PIGF: variants seen among roughly 807,000 people sequenced by gnomAD.
PIGF encodes GPI ethanolamine phosphate transferase, stabilizing subunit.
In PIGF, 23 loss-of-function variants were observed where a neutral mutation model predicts 26.0. That is an observed-to-expected ratio of 0.88 (90% confidence interval 0.64 to 1.25). The LOEUF is 1.25. Ranked by LOEUF, PIGF falls within the 50% of genes most tolerant of loss-of-function variation. PIGF has a pLI of 0.00. For missense variants in PIGF, 278 were observed against 249.9 expected, an observed-to-expected ratio of 1.11 and a Z score of -0.76; for synonymous variants, 93 against 92.6, an observed-to-expected ratio of 1.00 and a Z score of -0.03.
At position 46,588,008 on chromosome 2, in the gene PIGF, G is replaced by A. The variant is rs1261852395; in HGVS notation, c.546+4467C>T. The A allele has an allele frequency of 2.9e-6, 4 of 1,357,478 alleles. No homozygotes were observed. The highest frequency in any genetic ancestry group is 9.7e-7 in the Non-Finnish European group (1 of 1,028,680). 84.1% of individuals were successfully genotyped at this position (1,357,478 alleles called of 1,614,324 possible). A position where few individuals can be genotyped will look rare whatever the true frequency, so the allele number is the denominator to read the frequency against. On this transcript the variant is annotated intron_variant, in intron 5 of 5. Transcript: ENST00000281382. The surrounding 1 kb of genome is among the most constrained non-coding windows in gnomAD (Gnocchi z 4.1). ...CCTCTTCCCACCTGAGTAATGCTAA[G>A]CAAGATGTGTACTCCTCCCCTCTCA...
chr2:46,612,025 G>A (rs188478850), intron 4 of PIGF, among the ~76,000 whole-genome samples: 1 of 151,406 alleles, frequency 6.6e-6, no homozygotes, highest in Admixed American at 6.6e-5. Context: ...AAGGAGAGCT[G>A]ATCTTGCTAA....
intron 4 of PIGF, among the ~76,000 whole-genome samples, chr2:46,598,962 C>T (rs1669973800): frequency 6.6e-6 from 1 of 152,158 alleles, no homozygotes; most frequent in African/African-American, 2.4e-5. Context: ...CCTGACTTTC[C>T]TTTAGAGAAT....
At chr2:46,600,191 G>A (rs1361798086) in intron 4 of PIGF, among the ~76,000 whole-genome samples, 1 of 152,204 alleles carries the variant, frequency 6.6e-6, no homozygotes, top group Admixed American at 6.5e-5. Context: ...GTAGGTAGCA[G>A]CCCTGGTAGA....
At chr2:46,598,083 C>G (rs1366285907) in intron 4 of PIGF, among the ~76,000 whole-genome samples, 1 of 152,048 alleles carries the variant, frequency 6.6e-6, no homozygotes, top group African/African-American at 2.4e-5. Flanking sequence ...ATTTTGCAAT[C>G]TTTACCTTTT....
rs146217118 is a variant in PIGF, at chr2:46,608,860, T to A, written c.437+3368A>T. Among the ~76,000 whole-genome samples, 32 of 152,310 alleles carry A rather than the reference T, an allele frequency of 2.1e-4. No homozygotes were observed. In the East Asian group the frequency reaches 6.2e-3, roughly 29 times the overall value. On this transcript the variant is annotated intron_variant, in intron 4 of 5. Transcript: ENST00000281382. ...TAAACAGATGTGCTGTCATCCAGAC[T>A]TCGTTGTTCCATTGACAGTATATAG...
At position 46,589,504 on chromosome 2, in the gene PIGF, G is replaced by C. The variant is rs560539466; in HGVS notation, c.546+2971C>G. ...AGATTTTGTGGGGTTTTGTGTGTGT[G>C]TGTGCATGTGTGTGTTTTTAAAGGT... On this transcript the variant is annotated intron_variant, in intron 5 of 5. Coordinates refer to ENST00000281382, the MANE Select transcript of PIGF (RefSeq NM_002643.4). The surrounding 1 kb of genome is among the most constrained non-coding windows in gnomAD (Gnocchi z 4.7). Among the ~76,000 whole-genome samples the C allele has an allele frequency of 2.1e-4, 32 of 152,050 alleles. 1 individual carries two copies. In the South Asian group the frequency reaches 6.6e-3, roughly 31 times the overall value.
intron 4 of PIGF, among the ~76,000 whole-genome samples, chr2:46,600,915 A>G: frequency 6.6e-6 from 1 of 151,968 alleles, no homozygotes; most frequent in East Asian, 1.9e-4. Flanking sequence ...TTAAAATTAT[A>G]TATATATAAT....
intron 5 of PIGF, among the ~76,000 whole-genome samples, chr2:46,585,598 G>A (rs528315865): frequency 6.6e-6 from 1 of 152,258 alleles, no homozygotes; most frequent in South Asian, 2.1e-4. Context: ...CCACGTACCA[G>A]TATTCTGTAT....
Position 46,613,687 on chromosome 2 carries a change from A to G in PIGF, c.320+7T>C, listed in dbSNP as rs375385503. ...ATATAAATTTAGGGTAAAAATTTCA[A>G]ACTTACTCTATCAGTGGTGCTCCAT... is the stretch of plus-strand genomic sequence containing the variant. On this transcript the variant is annotated splice_region_variant and intron_variant, in intron 3 of 5. Coordinates refer to ENST00000281382, the MANE Select transcript of PIGF (RefSeq NM_002643.4). 1 of 1,509,998 alleles carries G rather than the reference A, an allele frequency of 6.6e-7. No homozygotes were observed. Among genetic ancestry groups the G allele is most frequent in the Admixed American group, 2.3e-5 (1 of 43,018 alleles). 93.5% of individuals were successfully genotyped at this position (1,509,998 alleles called of 1,614,324 possible).
chr2:46,616,015 C>G (rs1670608986), intron 1 of PIGF: 1 of 150,170 alleles, frequency 6.7e-6, no homozygotes, highest in African/African-American at 2.5e-5. Flanking sequence ...ATAGAAATAT[C>G]TCAGAAAAAA....
Position 46,591,633 on chromosome 2 carries a change from A to G in PIGF, c.546+842T>C, listed in dbSNP as rs968681747. Reference sequence around the variant, plus strand: ...ATACTGGCAATAATCTAAATGATCAATAGTGAATTTGTTAAATAAGTTATA... The same window carrying G: ...ATACTGGCAATAATCTAAATGATCAGTAGTGAATTTGTTAAATAAGTTATA... On this transcript the variant is annotated intron_variant, in intron 5 of 5. Transcript: ENST00000281382. 3 of 934,254 alleles carry G rather than the reference A, an allele frequency of 3.2e-6. No individual in the cohort carries two copies. In the Admixed American group the frequency reaches 1.9e-4, roughly 58 times the overall value. 57.9% of individuals were successfully genotyped at this position (934,254 alleles called of 1,614,324 possible). A position where few individuals can be genotyped will look rare whatever the true frequency, so the allele number is the denominator to read the frequency against.
intron 2 of PIGF, 39 bp downstream of exon 2, chr2:46,614,898 G>T: frequency 1.1e-6 from 1 of 925,570 alleles, no homozygotes; most frequent in Non-Finnish European, 1.8e-6. Flanking sequence ...AGAAACACTA[G>T]CTCCATCCAA....
At chr2:46,600,747 A>C (rs1670030617) in intron 4 of PIGF, among the ~76,000 whole-genome samples, 1 of 152,154 alleles carries the variant, frequency 6.6e-6, no homozygotes, top group Non-Finnish European at 1.5e-5. Flanking sequence ...TTATTATTCA[A>C]ACCAATATAA....
intron 4 of PIGF, 22 bp from the exon 5 acceptor site, chr2:46,592,605 A>G: frequency 2.4e-6 from 3 of 1,243,414 alleles, no homozygotes; most frequent in Non-Finnish European, 3.6e-6. Flanking sequence ...AAATTGGTAC[A>G]TCGTTGGTGG....
At chr2:46,591,245 A>G (rs993812795) in intron 5 of PIGF, among the ~76,000 whole-genome samples, 9 of 152,320 alleles carry the variant, frequency 5.9e-5, no homozygotes, top group Non-Finnish European at 1.2e-4. Context: ...AATGAGCTCC[A>G]TAATATACTG....
chr2:46,591,199 C>A (rs13406609), intron 5 of PIGF, among the ~76,000 whole-genome samples: 1 of 151,832 alleles, frequency 6.6e-6, no homozygotes, highest in Non-Finnish European at 1.5e-5. Context: ...CACAAATAAT[C>A]GAATATTACA....
At position 46,615,060 on chromosome 2, in the gene PIGF, T is replaced by C. The variant is rs61995898; in HGVS notation, c.105A>G (p.Ser35=). ...ACCATGTCAAGTGTGTTTCCAATAT[T>C]GAGAAGTTCTCCAAGAAGAGTGATG... The part of the protein sequence containing the change: ...FIPSLFLENF[S]ILETHLTWLC... Residue 35 remains serine, a synonymous_variant, in exon 2 of 6, where the codon TCA becomes TCG. Transcript: ENST00000281382. 1 of 1,598,596 alleles carries C rather than the reference T, an allele frequency of 6.3e-7. No homozygotes were observed. The highest frequency in any genetic ancestry group is 1.3e-5 in the African/African-American group (1 of 74,740).
intron 1 of PIGF, 55 bp downstream of exon 1, chr2:46,616,914 CG>C: frequency 2.5e-6 from 1 of 399,682 alleles, no homozygotes; most frequent in Non-Finnish European, 4.6e-6. Flanking sequence ...CGGCAATTCG[CG>C]GGGGTAGCTT....
intron 4 of PIGF, among the ~76,000 whole-genome samples, chr2:46,609,198 A>T (rs1670321606): frequency 6.6e-6 from 1 of 152,232 alleles, no homozygotes; most frequent in South Asian, 2.1e-4. Context: ...TTGCACTTTT[A>T]TGTGATGGCG....
Sources: allele counts gnomAD v4.1 joint callset (sites outside exome capture counted in the v4.1 genomes callset), GRCh38; gene constraint gnomAD v4.1.1; non-coding constraint Gnocchi (gnomAD v3.1); transcripts MANE v1.5; gene names NCBI Gene and HGNC (gene_info 2026-07-23, HGNC 2026-07-21).